Variants in SNX18 observed in about 807,000 individuals in gnomAD.
SNX18 encodes sorting nexin-18.
SNX18 carries 35 observed loss-of-function variants against 48.7 expected under a neutral mutation model. That is an observed-to-expected ratio of 0.72 (90% CI 0.55 to 0.95). The LOEUF is 0.95. Ranked by LOEUF, SNX18 falls within the 40% of genes least tolerant of loss-of-function variation. The pLI, the probability that SNX18 is intolerant of heterozygous loss-of-function variation, is 0.00. For synonymous variants in SNX18, 492 were observed against 384.7 expected (o/e 1.28, Z -3.26); for missense variants, 824 against 871.0 (o/e 0.95, Z 0.68).
intron 1 of SNX18, among the ~76,000 whole-genome samples, chr5:54,541,769 C>T (rs1031680875): frequency 6.6e-6 from 1 of 152,160 alleles, no homozygotes; most frequent in African/African-American, 2.4e-5. Flanking sequence ...ATGAAATTTG[C>T]TGTTGGTGCT....
chr5:54,558,320 A>G, the SNX18 span, among the ~76,000 whole-genome samples: 5 of 152,234 alleles, frequency 3.3e-5, no homozygotes, highest in Non-Finnish European at 7.3e-5. Flanking sequence ...GCTTCTCCAG[A>G]TAAAGTTTAT....
At chr5:54,635,286 T>C in the SNX18 span, among the ~76,000 whole-genome samples, 1 of 151,694 alleles carries the variant, frequency 6.6e-6, no homozygotes, top group African/African-American at 2.4e-5. Flanking sequence ...TCGTTTTCCT[T>C]TCTTAGTCTT....
At chr5:54,524,871 G>A (rs1041726149) in intron 1 of SNX18, among the ~76,000 whole-genome samples, 2 of 152,230 alleles carry the variant, frequency 1.3e-5, no homozygotes, top group African/African-American at 2.4e-5. Flanking sequence ...AGCCAGCCTC[G>A]GCAGTTCCTT....
At chr5:54,633,593 A>G in the SNX18 span, among the ~76,000 whole-genome samples, 1 of 152,214 alleles carries the variant, frequency 6.6e-6, no homozygotes, top group Non-Finnish European at 1.5e-5. Flanking sequence ...CAGTTTCTCC[A>G]TCTAAAAATG....
chr5:54,637,555 C>T, the SNX18 span, among the ~76,000 whole-genome samples: 22 of 151,820 alleles, frequency 1.4e-4, no homozygotes, highest in Non-Finnish European at 1.2e-4. Context: ...GAAAGAGGGG[C>T]GCTAGAAAAG....
the SNX18 span, among the ~76,000 whole-genome samples, chr5:54,600,848 G>T: frequency 6.6e-6 from 1 of 152,124 alleles, no homozygotes; most frequent in Non-Finnish European, 1.5e-5. Context: ...TGGAGGGAGA[G>T]AGAGTATTAG....
the SNX18 span, among the ~76,000 whole-genome samples, chr5:54,601,605 C>A: frequency 6.6e-6 from 1 of 152,220 alleles, no homozygotes; most frequent in Admixed American, 6.5e-5. Flanking sequence ...ATTAGACAGC[C>A]TTTGCCCCAG....
chr5:54,532,926 T>G (rs1270271209), intron 1 of SNX18, among the ~76,000 whole-genome samples: 1 of 152,228 alleles, frequency 6.6e-6, no homozygotes, highest in Non-Finnish European at 1.5e-5. Flanking sequence ...ATATTTGTAT[T>G]CAAACTGAAT....
chr5:54,527,953 C>T (rs1762166627), intron 1 of SNX18, among the ~76,000 whole-genome samples: 1 of 151,918 alleles, frequency 6.6e-6, no homozygotes, highest in Non-Finnish European at 1.5e-5. Context: ...TGGATGAAGT[C>T]ATTAACATGT....
chr5:54,540,508 TG>T (rs1762448668), intron 1 of SNX18, among the ~76,000 whole-genome samples: 1 of 152,206 alleles, frequency 6.6e-6, no homozygotes, highest in African/African-American at 2.4e-5. Flanking sequence ...TAAGCCACCG[TG>T]GCAAGCCCTG....
the SNX18 span, among the ~76,000 whole-genome samples, chr5:54,553,442 C>G: frequency 8.5e-5 from 13 of 152,278 alleles, no homozygotes; most frequent in Admixed American, 2.6e-4. Context: ...AGCACAGCAA[C>G]AGGTCCCTCC....
intron 1 of SNX18, chr5:54,521,010 GC>G (rs1338064844): frequency 6.1e-6 from 1 of 165,028 alleles, no homozygotes; most frequent in Non-Finnish European, 1.5e-5. Flanking sequence ...CATTACCTAT[GC>G]CTTTTTTTAA....
chr5:54,612,935 C>A, the SNX18 span, among the ~76,000 whole-genome samples: 14 of 152,214 alleles, frequency 9.2e-5, no homozygotes, highest in African/African-American at 3.4e-4. Flanking sequence ...GGCATCTAAT[C>A]GGAGACCTTT....
At chr5:54,525,801 C>T (rs529666903) in intron 1 of SNX18, among the ~76,000 whole-genome samples, 24 of 152,130 alleles carry the variant, frequency 1.6e-4, no homozygotes, top group African/African-American at 5.8e-4. Context: ...CTTAAGTATC[C>T]AGGAAACTTT....
the SNX18 span, among the ~76,000 whole-genome samples, chr5:54,595,501 C>T: frequency 6.6e-6 from 1 of 152,216 alleles, no homozygotes; most frequent in Non-Finnish European, 1.5e-5. Context: ...TCCCAAAGTG[C>T]TGGGATTATA....
chr5:54,629,197 T>C, the SNX18 span, among the ~76,000 whole-genome samples: 1 of 152,182 alleles, frequency 6.6e-6, no homozygotes, highest in Non-Finnish European at 1.5e-5. Context: ...GAAAGTCTCC[T>C]GATATCTTGC....
At chr5:54,614,893 G>A in the SNX18 span, among the ~76,000 whole-genome samples, 25 of 152,024 alleles carry the variant, frequency 1.6e-4, no homozygotes, top group East Asian at 7.7e-4. Context: ...TTAAACTGTC[G>A]TACACACTAA....
At chr5:54,546,672 C>T (rs1736045948), downstream of SNX18, 1 of 152,182 alleles carries the variant, frequency 6.6e-6, no homozygotes, top group African/African-American at 2.4e-5. Context: ...AATAGAAGAG[C>T]ATGTTCTGTC....
At chr5:54,640,822 G>C in the SNX18 span, among the ~76,000 whole-genome samples, 46,495 of 151,988 alleles carry the variant, frequency 0.31, 7,454 homozygotes, top group East Asian at 0.42. Flanking sequence ...CACTTTGGGA[G>C]GCCGAGGTGG....
Sources: allele counts gnomAD v4.1 joint callset (sites outside exome capture counted in the v4.1 genomes callset), GRCh38; gene constraint gnomAD v4.1.1; transcripts MANE v1.5; gene names NCBI Gene and HGNC (gene_info 2026-07-23, HGNC 2026-07-21).